Variants in CACNA1D observed in about 807,000 individuals in gnomAD.
CACNA1D encodes the protein voltage-dependent L-type calcium channel subunit alpha-1D.
Under a neutral mutation model 257.1 loss-of-function variants are expected in CACNA1D, and 55 were observed. The ratio of observed to expected loss-of-function variants is 0.21; its 90% CI spans 0.17 to 0.27. The LOEUF (loss-of-function observed/expected upper bound fraction) is 0.27, where lower values mean the gene tolerates loss of function less well. Ranked by LOEUF, CACNA1D falls within the 10% of genes least tolerant of loss-of-function variation. CACNA1D has a pLI of 1.00. For synonymous variants in CACNA1D, 980 were observed against 1,014.9 expected (o/e 0.97, Z 0.65); for missense variants, 1,876 against 2,784.0 (o/e 0.67, Z 7.34).
intron 3 of CACNA1D, among the ~76,000 whole-genome samples, chr3:53,598,101 G>T (rs1472274684): frequency 6.6e-6 from 1 of 152,090 alleles, no homozygotes; most frequent in African/African-American, 2.4e-5. Context: ...CTCTCCATTA[G>T]GTTGGCTCAT....
chr3:53,767,889 G>A (rs529422483), intron 30 of CACNA1D, among the ~76,000 whole-genome samples: 50 of 152,314 alleles, frequency 3.3e-4, no homozygotes, highest in Non-Finnish European at 5.9e-4. Flanking sequence ...GGGAGGTGTC[G>A]CAGGCGCACT....
Position 53,806,337 on chromosome 3 carries a change from C to T in CACNA1D, c.5749+1191C>T, listed in dbSNP as rs545502044. ...GGGCAGGTTCTGGACTTGTTGGTCC[C>T]CTTCACTCTGGGGCCAGGAAACCCA... On this transcript the variant is annotated intron_variant, in intron 45 of 47. Transcript: ENST00000350061. Among the ~76,000 whole-genome samples, 149 of 152,162 alleles carry T rather than the reference C, an allele frequency of 9.8e-4. 2 individuals are homozygous for T. Among genetic ancestry groups the T allele is most frequent in the African/African-American group, 3.4e-3 (141 of 41,500 alleles).
intron 15 of CACNA1D, among the ~76,000 whole-genome samples, chr3:53,729,839 G>A (rs1576482527): frequency 6.6e-6 from 1 of 152,204 alleles, no homozygotes; most frequent in Non-Finnish European, 1.5e-5. Flanking sequence ...GCACCAGGTG[G>A]CAGTAAGTCA....
At position 53,812,204 on chromosome 3, in the gene CACNA1D, G is replaced by A. The variant is rs891483585; in HGVS notation, c.*798G>A. 5.3e-5 allele frequency: 8 copies of A among 152,098 alleles called. No individual in the cohort carries two copies. The highest frequency in any genetic ancestry group is 4.6e-4 in the Admixed American group (7 of 15,274). The allele number at this position is 152,098 out of a possible 1,614,324, so 9.4% of individuals were successfully genotyped here. A position where few individuals can be genotyped will look rare whatever the true frequency, so the allele number is the denominator to read the frequency against. On this transcript the variant is annotated 3_prime_UTR_variant, in exon 48 of 48. Coordinates refer to ENST00000350061, the MANE Select transcript of CACNA1D (RefSeq NM_001128840.3). ...CTATAATTTGTATTTGTAAAGAGAT[G>A]GTCTATATTTTGTAATTACTGTATT...
intron 3 of CACNA1D, among the ~76,000 whole-genome samples, chr3:53,580,279 A>G (rs1337288452): frequency 1.3e-5 from 2 of 152,210 alleles, no homozygotes; most frequent in East Asian, 1.9e-4. Context: ...TGCTCTGCTC[A>G]TTCACCCATA....
At chr3:53,566,197 A>G (rs963829788) in intron 3 of CACNA1D, among the ~76,000 whole-genome samples, 2 of 152,148 alleles carry the variant, frequency 1.3e-5, no homozygotes, top group Admixed American at 1.3e-4. Context: ...GAGCATAGCA[A>G]GTTCTTACCA....
intron 8 of CACNA1D, among the ~76,000 whole-genome samples, chr3:53,686,208 G>A (rs542400284): frequency 1.3e-5 from 2 of 152,052 alleles, no homozygotes; most frequent in Admixed American, 1.3e-4. Flanking sequence ...AAACAGAATC[G>A]CAAACAGAAT....
intron 40 of CACNA1D, among the ~76,000 whole-genome samples, chr3:53,790,200 C>T (rs943296076): frequency 3.9e-5 from 6 of 152,148 alleles, no homozygotes; most frequent in Admixed American, 2.0e-4. Flanking sequence ...CGAGTTTCCA[C>T]GAGGGGCAAA....
intron 3 of CACNA1D, among the ~76,000 whole-genome samples, chr3:53,513,730 C>T (rs1460803670): frequency 1.3e-5 from 2 of 152,238 alleles, no homozygotes; most frequent in African/African-American, 4.8e-5. Context: ...TACTGACTCA[C>T]TCAGAGCAAC....
intron 9 of CACNA1D, among the ~76,000 whole-genome samples, chr3:53,716,380 C>T (rs1375118848): frequency 6.6e-6 from 1 of 152,220 alleles, no homozygotes; most frequent in Non-Finnish European, 1.5e-5. Flanking sequence ...AGAGTTAACT[C>T]ATGATCAGAT....
At chr3:53,778,377 GTGAACAAATGT>G (rs1367177340) in intron 37 of CACNA1D, among the ~76,000 whole-genome samples, 1 of 152,172 alleles carries the variant, frequency 6.6e-6, no homozygotes, top group Non-Finnish European at 1.5e-5. Flanking sequence ...ACCAGGAAAA[GTGAACAAATGT>G]CCAGGGTTCC....
At chr3:53,714,067 A>G (rs2094792585) in intron 9 of CACNA1D, among the ~76,000 whole-genome samples, 1 of 152,176 alleles carries the variant, frequency 6.6e-6, no homozygotes, top group Non-Finnish European at 1.5e-5. Context: ...AGGCTTTCCT[A>G]ATGCTTGGTT....
chr3:53,748,241 C>T (rs2095190267), intron 26 of CACNA1D, among the ~76,000 whole-genome samples: 1 of 152,250 alleles, frequency 6.6e-6, no homozygotes, highest in Admixed American at 6.5e-5. Context: ...CCACCCCCAG[C>T]TCCTGCCATC....
chr3:53,783,259 G>A (rs2095435492), intron 39 of CACNA1D, among the ~76,000 whole-genome samples: 1 of 152,154 alleles, frequency 6.6e-6, no homozygotes. Context: ...TGCCCTCGGA[G>A]GGTGTCATTT....
In CACNA1D at chr3:53,533,677, C is replaced by T. The variant is rs1245266690; in HGVS notation, c.483+31957C>T. On this transcript the variant is annotated intron_variant, in intron 3 of 47. Transcript: ENST00000350061. ...CTTCCCTGGGGTCCCCAGCCTGCCT[C>T]CTCCACGGCTGCTATGGCCGTGGGC... is the stretch of plus-strand genomic sequence containing the variant. 3.3e-5 allele frequency among the ~76,000 whole-genome samples: 5 copies of T among 152,200 alleles called. 1 individual carries two copies. Among genetic ancestry groups the T allele is most frequent in the Non-Finnish European group, 7.3e-5 (5 of 68,042 alleles).
rs999693006 is a variant in CACNA1D, at chr3:53,793,310, A to G, written c.4923+6358A>G. ...TAAGAATTTATGAAGAATGTGATGT[A>G]TCGTCCCTGAAAGGGAAGCCCGTCA... On this transcript the variant is annotated intron_variant, in intron 40 of 47. Coordinates refer to ENST00000350061, the MANE Select transcript of CACNA1D (RefSeq NM_001128840.3). The surrounding 1 kb of genome is among the most constrained non-coding windows in gnomAD (Gnocchi z 4.1). 1.3e-5 allele frequency among the ~76,000 whole-genome samples: 2 copies of G among 152,212 alleles called. No homozygotes were observed. Among genetic ancestry groups the G allele is most frequent in the African/African-American group, 4.8e-5 (2 of 41,452 alleles).
At chr3:53,735,221 A>G (rs1026033992) in intron 19 of CACNA1D, among the ~76,000 whole-genome samples, 153 bp from the exon 20 acceptor site, 1 of 152,216 alleles carries the variant, frequency 6.6e-6, no homozygotes, top group African/African-American at 2.4e-5. Flanking sequence ...GCTGACGGAC[A>G]GGTTGCTCAG....
chr3:53,732,549 T>C (rs997886306), intron 18 of CACNA1D, among the ~76,000 whole-genome samples: 1 of 152,152 alleles, frequency 6.6e-6, no homozygotes, highest in South Asian at 2.1e-4. Flanking sequence ...CACTGCCACC[T>C]TTCATCTGTG....
intron 9 of CACNA1D, among the ~76,000 whole-genome samples, chr3:53,712,359 G>A (rs1413606248): frequency 6.6e-6 from 1 of 152,228 alleles, no homozygotes; most frequent in Non-Finnish European, 1.5e-5. Flanking sequence ...TATGGATGCT[G>A]GGCTGCCCCT....
Sources: allele counts gnomAD v4.1 joint callset (sites outside exome capture counted in the v4.1 genomes callset), GRCh38; gene constraint gnomAD v4.1.1; non-coding constraint Gnocchi (gnomAD v3.1); transcripts MANE v1.5; gene names NCBI Gene and HGNC (gene_info 2026-07-23, HGNC 2026-07-21).